GALNT2: variants seen among roughly 807,000 people sequenced by gnomAD.
GALNT2 encodes the protein polypeptide N-acetylgalactosaminyltransferase 2.
In GALNT2, 31 loss-of-function variants were observed where a neutral mutation model predicts 81.4. The observed-to-expected ratio is 0.38, with a 90% CI of 0.29 to 0.51. GALNT2 has a LOEUF of 0.51. Ranked by LOEUF, GALNT2 falls within the 20% of genes least tolerant of loss-of-function variation. The pLI is 0.87. For synonymous variants in GALNT2, 303 were observed against 287.4 expected (o/e 1.05, Z -0.55); for missense variants, 629 against 765.7 (o/e 0.82, Z 2.11).
At chr1:230,174,927 T>A (rs922601486) in intron 1 of GALNT2, among the ~76,000 whole-genome samples, 1 of 152,196 alleles carries the variant, frequency 6.6e-6, no homozygotes, top group Non-Finnish European at 1.5e-5. Flanking sequence ...AGGTACCACT[T>A]CCGTGTACAG....
intron 1 of GALNT2, among the ~76,000 whole-genome samples, chr1:230,151,381 T>G (rs1998064): frequency 0.23 from 34,891 of 152,118 alleles, 4,127 homozygotes; most frequent in Middle Eastern, 0.27. Context: ...ACGTAGTGCC[T>G]CCAGGAAGCT....
Position 230,250,479 on chromosome 1 carries a change from C to T in GALNT2, c.928C>T (p.Leu310=), listed in dbSNP as rs764220339. 1.2e-6 allele frequency: 2 copies of T among 1,613,644 alleles called. No homozygotes were observed. The highest frequency in any genetic ancestry group is 8.5e-7 in the Non-Finnish European group (1 of 1,179,798). The change falls in exon 10 of 16, where the codon CTG becomes TTG. Residue 310 remains leucine (L), a synonymous_variant. Coordinates refer to ENST00000366672, the MANE Select transcript of GALNT2 (RefSeq NM_004481.5). The stretch of plus-strand genomic sequence containing the variant: ...TAGAACCCCCATGATTGCTGGTGGG[C>T]TGTTTGTGATGGATAAGTTCTATTT... ...PIKTPMIAGG[L]FVMDKFYFEE...
intron 2 of GALNT2, among the ~76,000 whole-genome samples, chr1:230,184,441 G>A (rs1663257921): frequency 6.6e-6 from 1 of 151,838 alleles, no homozygotes. Flanking sequence ...CACCCACCTT[G>A]GCCTCTCAGA....
intron 1 of GALNT2, among the ~76,000 whole-genome samples, chr1:230,107,788 T>C (rs975831702): frequency 9.9e-5 from 15 of 152,170 alleles, no homozygotes; most frequent in African/African-American, 3.4e-4. Flanking sequence ...CTAGACGATG[T>C]TTATCACACT....
intron 2 of GALNT2, among the ~76,000 whole-genome samples, chr1:230,190,239 G>A (rs1199774992): frequency 6.6e-6 from 1 of 152,200 alleles, no homozygotes. Flanking sequence ...CTACCATCCA[G>A]AAACAACCAC....
chr1:230,096,393 A>G (rs1660255789), intron 1 of GALNT2, among the ~76,000 whole-genome samples: 1 of 152,208 alleles, frequency 6.6e-6, no homozygotes, highest in Non-Finnish European at 1.5e-5. Context: ...AAAGGGAGTC[A>G]TGGGGGTGGC....
At chr1:230,208,839 G>T (rs1372117970) in intron 3 of GALNT2, among the ~76,000 whole-genome samples, 1 of 152,140 alleles carries the variant, frequency 6.6e-6, no homozygotes, top group Non-Finnish European at 1.5e-5. Flanking sequence ...CACCCACCCA[G>T]AGCGAAGATG....
intron 1 of GALNT2, among the ~76,000 whole-genome samples, chr1:230,096,632 C>T (rs1660262389): frequency 6.6e-6 from 1 of 152,184 alleles, no homozygotes; most frequent in African/African-American, 2.4e-5. Flanking sequence ...CTTCCAACCT[C>T]CCTCCCTGCT....
At chr1:230,196,629 A>G (rs981490557) in intron 2 of GALNT2, among the ~76,000 whole-genome samples, 1 of 152,128 alleles carries the variant, frequency 6.6e-6, no homozygotes, top group Non-Finnish European at 1.5e-5. Context: ...GGGAAGGTAC[A>G]GCTCCACCTG....
intron 1 of GALNT2, 113 bp downstream of exon 1, chr1:230,067,519 G>C (rs1360940088): frequency 2.9e-6 from 1 of 342,812 alleles, no homozygotes; most frequent in Non-Finnish European, 4.8e-6. Flanking sequence ...ACCTCCGCTC[G>C]CGTCGCCCGC....
At chr1:230,062,902 A>G (rs1659083565), upstream of GALNT2, among the ~76,000 whole-genome samples, 1 of 152,180 alleles carries the variant, frequency 6.6e-6, no homozygotes, top group South Asian at 2.1e-4. Flanking sequence ...ATCATATAGT[A>G]GTTCTAAATT....
At chr1:230,251,845 G>A (rs1024083978) in intron 10 of GALNT2, among the ~76,000 whole-genome samples, 1 of 152,174 alleles carries the variant, frequency 6.6e-6, no homozygotes, top group Non-Finnish European at 1.5e-5. Flanking sequence ...TTGTGTCATC[G>A]TGTAGGAAGA....
chr1:230,158,827 T>G (rs1370093152), intron 1 of GALNT2, among the ~76,000 whole-genome samples: 4 of 152,218 alleles, frequency 2.6e-5, no homozygotes, highest in Admixed American at 2.0e-4. Context: ...GCAAGTGAGT[T>G]GGATGAATGC....
intron 3 of GALNT2, among the ~76,000 whole-genome samples, chr1:230,233,555 A>G (rs1572115719): frequency 6.6e-6 from 1 of 152,110 alleles, no homozygotes. Context: ...GGAGGTTGCA[A>G]TGATCCGAGA....
chr1:230,135,788 C>T (rs927108548), intron 1 of GALNT2, among the ~76,000 whole-genome samples: 2 of 152,092 alleles, frequency 1.3e-5, no homozygotes, highest in African/African-American at 4.8e-5. Flanking sequence ...TGGGTTCAAG[C>T]AATCCTCTTG....
chr1:230,148,099 T>A (rs958449939), intron 1 of GALNT2, among the ~76,000 whole-genome samples: 2 of 151,780 alleles, frequency 1.3e-5, no homozygotes, highest in Non-Finnish European at 2.9e-5. Flanking sequence ...GACACATGCC[T>A]CCCACTTGCC....
chr1:230,117,070 TTGC>T, intron 1 of GALNT2, among the ~76,000 whole-genome samples: 1 of 152,340 alleles, frequency 6.6e-6, no homozygotes, highest in East Asian at 1.9e-4. Context: ...TCTGGGTAAC[TTGC>T]TGCAGCTTCT....
At chr1:230,082,384 G>A (rs756576841) in intron 1 of GALNT2, among the ~76,000 whole-genome samples, 1 of 152,256 alleles carries the variant, frequency 6.6e-6, no homozygotes, top group Non-Finnish European at 1.5e-5. Context: ...GAGCTGATGG[G>A]TTGGTGATTT....
intron 1 of GALNT2, among the ~76,000 whole-genome samples, chr1:230,150,059 C>T (rs1331773093): frequency 6.6e-6 from 1 of 152,216 alleles, no homozygotes; most frequent in East Asian, 1.9e-4. Flanking sequence ...TGATGGACCC[C>T]AGGGTGAGGA....
Sources: gnomAD v4.1 joint callset for allele counts (sites outside exome capture counted in the v4.1 genomes callset) on GRCh38, gnomAD v4.1.1 for gene constraint, MANE v1.5 for transcripts, NCBI Gene and HGNC (gene_info 2026-07-23, HGNC 2026-07-21) for gene names.